Variants in PRPF3 observed in about 807,000 individuals in gnomAD.
PRPF3 encodes the protein pre-mRNA processing factor 3.
Under a neutral mutation model 89.2 loss-of-function variants are expected in PRPF3, and 3 were observed. The ratio of observed to expected loss-of-function variants is 0.03; its 90% confidence interval spans 0.02 to 0.09. The LOEUF (loss-of-function observed/expected upper bound fraction) is 0.09, where lower values mean the gene tolerates loss of function less well. PRPF3 is among the 10% of genes least tolerant of loss of function. PRPF3 has a pLI of 1.00. For missense variants in PRPF3, 463 were observed against 828.8 expected (o/e 0.56, Z 5.42); for synonymous variants, 270 against 289.1 (o/e 0.93, Z 0.67).
intron 7 of PRPF3, among the ~76,000 whole-genome samples, chr1:150,336,929 G>T (rs1234975436): frequency 6.6e-6 from 1 of 151,854 alleles, no homozygotes; most frequent in East Asian, 1.9e-4. Flanking sequence ...AGGAAGGCTT[G>T]CCTGTAGTTA....
intron 14 of PRPF3, chr1:150,348,872 G>C (rs1280657221): frequency 7.1e-6 from 3 of 422,290 alleles, no homozygotes; most frequent in African/African-American, 2.0e-5. Flanking sequence ...CCTAGGACAA[G>C]TTTTTATTCT....
intron 8 of PRPF3, among the ~76,000 whole-genome samples, chr1:150,339,195 C>T (rs1164108727): frequency 2.7e-5 from 4 of 146,174 alleles, no homozygotes; most frequent in African/African-American, 1.0e-4. Flanking sequence ...GGTGAGACCT[C>T]GTTTCTACAA....
intron 8 of PRPF3, 149 bp downstream of exon 8, chr1:150,338,475 G>GTAAC (rs1657287484): frequency 4.5e-6 from 3 of 669,932 alleles, no homozygotes; most frequent in Non-Finnish European, 2.5e-6. Flanking sequence ...AGAGAGATAA[G>GTAAC]TAACTGTACA....
chr1:150,347,726 T>C (rs1271785016), intron 14 of PRPF3, among the ~76,000 whole-genome samples: 1 of 148,208 alleles, frequency 6.7e-6, no homozygotes, highest in Non-Finnish European at 1.5e-5. Context: ...AGACTCCATC[T>C]CAAAAAAAAA....
chr1:150,340,340 C>T (rs1034061010), intron 8 of PRPF3, 58 bp from the exon 9 acceptor site: 4 of 1,275,850 alleles, frequency 3.1e-6, no homozygotes, highest in Non-Finnish European at 4.6e-6. Flanking sequence ...TCTGAGACTC[C>T]TCTCTTAGAA....
At chr1:150,350,205 C>CTT (rs35415059) in intron 15 of PRPF3, among the ~76,000 whole-genome samples, 1 of 132,268 alleles carries the variant, frequency 7.6e-6, no homozygotes, top group African/African-American at 2.9e-5. Context: ...CCCTCCATTT[C>CTT]TTTTTTTTTT....
chr1:150,333,251 A>G (rs1560096100), intron 6 of PRPF3, 52 bp downstream of exon 6: 7 of 1,575,596 alleles, frequency 4.4e-6, no homozygotes, highest in African/African-American at 1.4e-5. Context: ...TTGAGAAGCA[A>G]TAAATACCTT....
At chr1:150,324,068 C>T (rs1243008108) in intron 1 of PRPF3, among the ~76,000 whole-genome samples, 2 of 152,034 alleles carry the variant, frequency 1.3e-5, no homozygotes, top group African/African-American at 4.8e-5. Context: ...CGTGAGCCAC[C>T]GCGCCCGGCC....
At chr1:150,345,976 G>A (rs782397839) in intron 12 of PRPF3, 42 bp from the exon 13 acceptor site, 2 of 1,487,470 alleles carry the variant, frequency 1.3e-6, no homozygotes, top group Non-Finnish European at 9.4e-7. Context: ...GGCAGCTGCT[G>A]ATGCTAAAAT....
In PRPF3 at chr1:150,342,798, G is replaced by C. The variant is rs587643661; in HGVS notation, c.1283-511G>C. On this transcript the variant is annotated intron_variant, in intron 9 of 15. Transcript: ENST00000324862. ...TGCCTCCCAAAGTGCTGGGATTACA[G>C]GTGTGATCCACCGCACCTGGCCTCA... Among the ~76,000 whole-genome samples the C allele has an allele frequency of 3.2e-4, 48 of 152,112 alleles. 2 individuals are homozygous for C. In the South Asian group the frequency reaches 9.8e-3, roughly 31 times the overall value.
rs782065529 is a variant in PRPF3, at chr1:150,344,146, C to T, written c.1427-16C>T. The T allele has an allele frequency of 5.0e-6, 8 of 1,606,268 alleles. No individual in the cohort carries two copies. In the East Asian group the frequency reaches 1.6e-4, roughly 31 times the overall value. ...AGTGACTTCAAAGACTGATTGTTGT[C>T]CTCTCTTCACTGCAGTGAGAATTTC... On this transcript the variant is annotated splice_polypyrimidine_tract_variant and intron_variant, in intron 10 of 15. Coordinates refer to ENST00000324862, the MANE Select transcript of PRPF3 (RefSeq NM_004698.4).
At chr1:150,338,497 T>A (rs1553868901) in intron 8 of PRPF3, among the ~76,000 whole-genome samples, 171 bp downstream of exon 8, 113,852 of 130,784 alleles carry the variant, frequency 0.87, 48,626 homozygotes, top group South Asian at 0.95. Flanking sequence ...AAGGTCCTGT[T>A]ATTTTTTTTT....
intron 15 of PRPF3, among the ~76,000 whole-genome samples, chr1:150,349,725 G>A (rs1402332804): frequency 6.6e-6 from 1 of 152,104 alleles, no homozygotes; most frequent in African/African-American, 2.4e-5. Context: ...TTATGTGATA[G>A]TGCTTCATAA....
chr1:150,344,258 A>G lies in PRPF3; in HGVS notation c.1523A>G (p.Gln508Arg). The change falls in exon 11 of 16, where the codon CAG (glutamine) becomes CGG (arginine). Residue 508 changes from glutamine (Q) to arginine (R), a missense_variant. Physicochemically the swap from Gln to Arg is conservative, Grantham distance 43 (BLOSUM62 1). This residue lies in a region of PRPF3 where 261 missense variants were observed against 475.8 expected (regional missense o/e 0.55). Coordinates refer to ENST00000324862, the MANE Select transcript of PRPF3 (RefSeq NM_004698.4). The stretch of plus-strand genomic sequence containing the variant: ...GTCAGAGCTCAGATGGCAAAAAGAC[A>G]GAAGTAAGTGCCATGGGATTGGGTG... ...AHVRAQMAKR[Q>R]KAHEEANAAR... The G allele has an allele frequency of 6.2e-7, 1 of 1,614,196 alleles. No homozygotes were observed. The highest frequency in any genetic ancestry group is 1.1e-5 in the South Asian group (1 of 91,090).
At chr1:150,351,963 C>G (rs1329849938) in intron 15 of PRPF3, among the ~76,000 whole-genome samples, 4 of 152,126 alleles carry the variant, frequency 2.6e-5, no homozygotes, top group Non-Finnish European at 2.9e-5. Context: ...CAGAAATAAG[C>G]CAAGTTCTGC....
intron 7 of PRPF3, among the ~76,000 whole-genome samples, chr1:150,337,784 T>G (rs1346060274): frequency 2.0e-5 from 3 of 149,838 alleles, no homozygotes; most frequent in Non-Finnish European, 4.4e-5. Context: ...AAAAAATATT[T>G]GGGATTCTGG....
At chr1:150,350,590 T>C (rs1450256387) in intron 15 of PRPF3, among the ~76,000 whole-genome samples, 2 of 152,192 alleles carry the variant, frequency 1.3e-5, no homozygotes, top group African/African-American at 4.8e-5. Context: ...ATGAATTCTT[T>C]ATTATAAAAG....
At position 150,343,364 on chromosome 1, in the gene PRPF3, A is replaced by C. The variant is rs1241365962; in HGVS notation, c.1338A>C (p.Lys446Asn). The stretch of plus-strand genomic sequence containing the variant: ...TATATCTTACCAAGAAGGAACAGAA[A>C]AAACTTCGGAGACAAACAAGGAGGG... ...LGVYLTKKEQ[K>N]KLRRQTRREA... The change falls in exon 10 of 16, where the codon AAA becomes AAC. Residue 446 changes from lysine to asparagine, a missense_variant. Transcript: ENST00000324862. 1 of 1,599,632 alleles carries C rather than the reference A, an allele frequency of 6.3e-7. No individual in the cohort carries two copies. Among genetic ancestry groups the C allele is most frequent in the Non-Finnish European group, 8.5e-7 (1 of 1,170,140 alleles).
At chr1:150,341,128 G>GAAGA (rs1220456218) in intron 9 of PRPF3, among the ~76,000 whole-genome samples, 2 of 117,562 alleles carry the variant, frequency 1.7e-5, no homozygotes, top group East Asian at 2.5e-4. Flanking sequence ...AAAAAAAAAA[G>GAAGA]AAGAAAGAAA....
Sources: allele counts gnomAD v4.1 joint callset (sites outside exome capture counted in the v4.1 genomes callset), GRCh38; gene constraint gnomAD v4.1.1; regional missense constraint gnomAD v4.1.1; transcripts MANE v1.5; gene names NCBI Gene and HGNC (gene_info 2026-07-23, HGNC 2026-07-21).